UBE4A: variants seen among roughly 807,000 people sequenced by gnomAD.
UBE4A encodes the protein ubiquitin conjugation factor E4 A.
Under a neutral mutation model 117.9 loss-of-function variants are expected in UBE4A, and 48 were observed. That is an observed-to-expected ratio of 0.41 (90% CI 0.32 to 0.52). UBE4A has a LOEUF of 0.52. Ranked by LOEUF, UBE4A falls within the 20% of genes least tolerant of loss-of-function variation. The pLI, the probability that UBE4A is intolerant of heterozygous loss-of-function variation, is 0.33. For missense variants in UBE4A, 1,067 were observed against 1,296.3 expected (o/e 0.82, Z 2.72); for synonymous variants, 407 against 450.0 (o/e 0.90, Z 1.21).
chr11:118,379,472 A>G lies in UBE4A; in HGVS notation c.1598A>G (p.Asn533Ser). 1 of 1,613,758 alleles carries G rather than the reference A, an allele frequency of 6.2e-7. No individual in the cohort carries two copies. The highest frequency in any genetic ancestry group is 8.5e-7 in the Non-Finnish European group (1 of 1,179,788). ...TTGCATGATCAGATGGTAAAAATCA[A>G]CCAAAATCTGCATCGGCTGCAGGTT... Reference protein sequence around the residue: ...HRLHDQMVKINQNLHRLQVAW... With the variant: ...HRLHDQMVKISQNLHRLQVAW... The change falls in exon 11 of 20, where the codon AAC (asparagine) becomes AGC (serine). Residue 533 changes from asparagine to serine, a missense_variant. By Grantham distance (46) the Asn-to-Ser change is conservative (BLOSUM62 1). This residue lies in a region of UBE4A where 1,001 missense variants were observed against 1,184.0 expected (regional missense o/e 0.85). Coordinates refer to ENST00000252108, the MANE Select transcript of UBE4A (RefSeq NM_001204077.2).
intron 4 of UBE4A, among the ~76,000 whole-genome samples, chr11:118,370,063 G>A (rs1172563242): frequency 6.6e-6 from 1 of 151,456 alleles, no homozygotes; most frequent in East Asian, 1.9e-4. Flanking sequence ...CTGCACTCCA[G>A]CCTGGACAAC....
intron 11 of UBE4A, among the ~76,000 whole-genome samples, chr11:118,380,349 G>A (rs1243861032): frequency 5.9e-5 from 9 of 151,962 alleles, no homozygotes; most frequent in African/African-American, 1.7e-4. Flanking sequence ...TTGGGAGGCC[G>A]AAACAGGATG....
chr11:118,390,152 C>G (rs1382478158), intron 17 of UBE4A, among the ~76,000 whole-genome samples: 2 of 151,728 alleles, frequency 1.3e-5, no homozygotes, highest in Non-Finnish European at 2.9e-5. Context: ...GAGTTTGAGA[C>G]CAGCCTGGGC....
intron 2 of UBE4A, 63 bp from the exon 3 acceptor site, chr11:118,368,568 T>C (rs1309171501): frequency 6.6e-7 from 1 of 1,513,550 alleles, no homozygotes; most frequent in Admixed American, 1.8e-5. Context: ...TTATTATTTT[T>C]GGTAGCATGC....
At chr11:118,373,767 A>G in intron 8 of UBE4A, 82 bp downstream of exon 8, 9 of 1,453,282 alleles carry the variant, frequency 6.2e-6, no homozygotes, top group Non-Finnish European at 8.2e-6. Flanking sequence ...AGGCTGCTCA[A>G]GCCTCTCTGG....
Position 118,389,849 on chromosome 11 carries a change from T to A in UBE4A, c.2712T>A (p.Phe904Leu), listed in dbSNP as rs1555127937. Residue 904 changes from phenylalanine to leucine, a missense_variant, in exon 17 of 20, where the codon TTT becomes TTA. Physicochemically the swap from Phe to Leu is conservative, Grantham distance 22 (BLOSUM62 0). Transcript: ENST00000252108. ...GALKVKDFSEFDFKPQQLVSD... is the reference protein window; with the variant it reads ...GALKVKDFSELDFKPQQLVSD... Reference sequence around the variant, plus strand: ...TAAAAGTCAAGGACTTCAGCGAATTTGACTTCAAACCCCAGCAGCTTGTAT... The same window carrying A: ...TAAAAGTCAAGGACTTCAGCGAATTAGACTTCAAACCCCAGCAGCTTGTAT... 1.2e-6 allele frequency: 2 copies of A among 1,613,742 alleles called. No homozygotes were observed. The highest frequency in any genetic ancestry group is 4.5e-5 in the East Asian group (2 of 44,884).
chr11:118,374,007 G>A (rs1444162543), intron 8 of UBE4A, among the ~76,000 whole-genome samples: 5 of 152,018 alleles, frequency 3.3e-5, no homozygotes, highest in South Asian at 2.1e-4. Context: ...CCACCTACTC[G>A]GGAGGCTGAG....
intron 10 of UBE4A, among the ~76,000 whole-genome samples, chr11:118,378,259 T>G (rs1403467730): frequency 2.8e-5 from 4 of 144,638 alleles, no homozygotes; most frequent in African/African-American, 1.0e-4. Context: ...AAAAAAAAAT[T>G]AATTAAAAAA....
At chr11:118,390,546 G>C in intron 17 of UBE4A, 111 bp from the exon 18 acceptor site, 2 of 646,480 alleles carry the variant, frequency 3.1e-6, no homozygotes, top group Non-Finnish European at 4.5e-6. Flanking sequence ...TATATCAAAA[G>C]AATGTTCATG....
chr11:118,372,279 T>G (rs1395451224), intron 5 of UBE4A, among the ~76,000 whole-genome samples: 1 of 152,136 alleles, frequency 6.6e-6, no homozygotes, highest in Non-Finnish European at 1.5e-5. Context: ...GGCTCATGAA[T>G]TCATTTCCAC....
chr11:118,392,459 T>C (rs931788825), intron 18 of UBE4A, among the ~76,000 whole-genome samples: 2 of 152,210 alleles, frequency 1.3e-5, no homozygotes, highest in African/African-American at 2.4e-5. Context: ...TTATATCTGA[T>C]GTATTTCTTT....
At chr11:118,363,059 G>A (rs943302212) in intron 1 of UBE4A, among the ~76,000 whole-genome samples, 5 of 152,132 alleles carry the variant, frequency 3.3e-5, no homozygotes, top group Non-Finnish European at 7.4e-5. Flanking sequence ...TGGTATTTTA[G>A]GATGGAAGTA....
chr11:118,380,603 A>T (rs143127815), intron 11 of UBE4A, among the ~76,000 whole-genome samples: 59 of 152,260 alleles, frequency 3.9e-4, no homozygotes, highest in African/African-American at 1.4e-3. Context: ...ATTAATTAAT[A>T]AAATAACAAC....
chr11:118,387,902 C>T (rs1450048853), intron 16 of UBE4A, among the ~76,000 whole-genome samples: 7 of 152,076 alleles, frequency 4.6e-5, no homozygotes, highest in Admixed American at 3.9e-4. Context: ...ACATAGCAGG[C>T]CTGTAGAGCA....
intron 9 of UBE4A, 128 bp downstream of exon 9, chr11:118,375,357 G>T: frequency 2.0e-6 from 2 of 991,018 alleles, no homozygotes; most frequent in South Asian, 4.7e-5. Flanking sequence ...GAGCTATTTC[G>T]ATTTTTTTTT....
intron 3 of UBE4A, 67 bp from the exon 4 acceptor site, chr11:118,369,356 C>A: frequency 2.6e-6 from 3 of 1,166,180 alleles, no homozygotes; most frequent in South Asian, 1.3e-5. Flanking sequence ...GTGATGCTGT[C>A]AAGATCAGTT....
chr11:118,378,040 G>C (rs1256111941), intron 10 of UBE4A, among the ~76,000 whole-genome samples: 1 of 152,062 alleles, frequency 6.6e-6, no homozygotes, highest in African/African-American at 2.4e-5. Context: ...AAGGTCAGGA[G>C]ATCAAGACCG....
At chr11:118,367,729 A>T (rs1591294897) in intron 2 of UBE4A, among the ~76,000 whole-genome samples, 1 of 151,252 alleles carries the variant, frequency 6.6e-6, no homozygotes, top group Non-Finnish European at 1.5e-5. Context: ...CAATCTCCTG[A>T]CCTCGTGATC....
intron 2 of UBE4A, 58 bp from the exon 3 acceptor site, chr11:118,368,573 G>T: frequency 6.5e-7 from 1 of 1,527,310 alleles, no homozygotes; most frequent in Non-Finnish European, 9.0e-7. Flanking sequence ...ATTTTTGGTA[G>T]CATGCTTGGT....
Sources: gnomAD v4.1 joint callset for allele counts (sites outside exome capture counted in the v4.1 genomes callset) on GRCh38, gnomAD v4.1.1 for gene constraint, gnomAD v4.1.1 regional missense constraint, MANE v1.5 for transcripts, NCBI Gene and HGNC (gene_info 2026-07-23, HGNC 2026-07-21) for gene names.